LHFPL3: variants seen among roughly 807,000 people sequenced by gnomAD.
The protein encoded by LHFPL3 is LHFPL tetraspan subfamily member 3.
LHFPL3 carries 5 observed loss-of-function variants against 19.3 expected under a neutral mutation model. The observed-to-expected ratio is 0.26, with a 90% confidence interval of 0.14 to 0.54. The LOEUF (loss-of-function observed/expected upper bound fraction) is 0.54. Among genes scored for constraint, LHFPL3 ranks in the 20% least tolerant of loss-of-function variants. The pLI is 0.94. For missense variants in LHFPL3, 249 were observed against 307.4 expected, an observed-to-expected ratio of 0.81 and a Z score of 1.42; for synonymous variants, 133 against 126.2, an observed-to-expected ratio of 1.05 and a Z score of -0.36.
intron 1 of LHFPL3, among the ~76,000 whole-genome samples, chr7:104,428,205 A>G (rs1324409191): frequency 6.6e-6 from 1 of 152,202 alleles, no homozygotes; most frequent in African/African-American, 2.4e-5. Context: ...GTTAAAATCT[A>G]CATATAACAT....
chr7:104,332,580 G>A (rs1801591125), intron 1 of LHFPL3, among the ~76,000 whole-genome samples: 1 of 152,016 alleles, frequency 6.6e-6, no homozygotes, highest in African/African-American at 2.4e-5. Flanking sequence ...GACTTCTTAT[G>A]ATATTACAAT....
chr7:104,894,839 G>T (rs944670235), intron 2 of LHFPL3: 3 of 152,178 alleles, frequency 2.0e-5, no homozygotes, highest in South Asian at 2.1e-4. Context: ...CAAAAGCATG[G>T]CAAGTAAAAT....
At chr7:104,480,540 A>G (rs758914224) in intron 1 of LHFPL3, among the ~76,000 whole-genome samples, 21 of 152,220 alleles carry the variant, frequency 1.4e-4, no homozygotes, top group Non-Finnish European at 2.5e-4. Context: ...AGGGACATGT[A>G]ATTGTGCAGT....
chr7:104,329,417 CGCCTCGTCCCG>C (rs1801528777), intron 1 of LHFPL3, among the ~76,000 whole-genome samples, 193 bp downstream of exon 1: 2 of 152,210 alleles, frequency 1.3e-5, no homozygotes, highest in South Asian at 4.1e-4. Flanking sequence ...CCGGCGCTGG[CGCCTCGTCCCG>C]GGGCTTTCGT....
Position 104,468,722 on chromosome 7 carries a change from G to A in LHFPL3, c.445+139498G>A, listed in dbSNP as rs190868311. 1.8e-3 allele frequency among the ~76,000 whole-genome samples: 268 copies of A among 149,472 alleles called. 1 individual carries two copies. Among genetic ancestry groups the A allele is most frequent in the African/African-American group, 6.2e-3 (251 of 40,530 alleles). On this transcript the variant is annotated intron_variant, in intron 1 of 2. Transcript: ENST00000424859. ...CATCCAGGCTGGAGTGCAGTGGTGCGATCTCGGCTCACTGCAACCTCCACC... is the reference window on the plus strand; with the variant it reads ...CATCCAGGCTGGAGTGCAGTGGTGCAATCTCGGCTCACTGCAACCTCCACC...
At chr7:104,641,734 T>A (rs1791839964) in intron 1 of LHFPL3, among the ~76,000 whole-genome samples, 1 of 152,270 alleles carries the variant, frequency 6.6e-6, no homozygotes, top group Non-Finnish European at 1.5e-5. Flanking sequence ...TTGGAGAGAT[T>A]AGAAAGTCCC....
chr7:104,833,004 A>G (rs571181511), intron 2 of LHFPL3, among the ~76,000 whole-genome samples: 2 of 103,244 alleles, frequency 1.9e-5, no homozygotes, highest in Non-Finnish European at 3.6e-5. Flanking sequence ...TATATATTAT[A>G]TATATATATT....
At chr7:104,405,577 T>C (rs918559148) in intron 1 of LHFPL3, among the ~76,000 whole-genome samples, 1 of 152,230 alleles carries the variant, frequency 6.6e-6, no homozygotes, top group Non-Finnish European at 1.5e-5. Context: ...TCCCATCTTA[T>C]AAATTGAGAC....
chr7:104,560,442 T>A (rs1421562141), intron 1 of LHFPL3, among the ~76,000 whole-genome samples: 719 of 110,326 alleles, frequency 6.5e-3, no homozygotes, highest in Admixed American at 9.7e-3. Flanking sequence ...TATCCATTTC[T>A]TCTAGATTTT....
At chr7:104,894,223 T>C (rs1189596530) in intron 2 of LHFPL3, among the ~76,000 whole-genome samples, 1 of 152,204 alleles carries the variant, frequency 6.6e-6, no homozygotes, top group African/African-American at 2.4e-5. Context: ...ATTGTTAAAA[T>C]AGCATTAATA....
At chr7:104,859,995 A>C (rs1791584079) in intron 2 of LHFPL3, among the ~76,000 whole-genome samples, 1 of 152,122 alleles carries the variant, frequency 6.6e-6, no homozygotes, top group Non-Finnish European at 1.5e-5. Context: ...CAAACCTAAA[A>C]CTACTCTAAA....
chr7:104,451,466 CTGTT>C (rs1421991008), intron 1 of LHFPL3, among the ~76,000 whole-genome samples: 86 of 152,240 alleles, frequency 5.6e-4, no homozygotes, highest in Non-Finnish European at 2.9e-4. Context: ...TTGTTGTTCT[CTGTT>C]TGTCTTCTGC....
chr7:104,328,771 AGGG>A lies in LHFPL3; in HGVS notation c.-6_-4del. Reference sequence around the variant, plus strand: ...CAGGAGGAGGAGGAGGAGGAGGAGGAGGGGGAGAATGCCCGGAGCCGCCGCCGC... The same window carrying A: ...CAGGAGGAGGAGGAGGAGGAGGAGGAGGAGAATGCCCGGAGCCGCCGCCGC... On this transcript the variant is annotated 5_prime_UTR_variant, in exon 1 of 3. Transcript: ENST00000424859. The surrounding 1 kb of genome is among the most constrained non-coding windows in gnomAD (Gnocchi z 4.6). 1 of 1,536,782 alleles carries A rather than the reference AGGG, an allele frequency of 6.5e-7. No homozygotes were observed. Among genetic ancestry groups the A allele is most frequent in the Non-Finnish European group, 8.8e-7 (1 of 1,130,706 alleles).
intron 1 of LHFPL3, among the ~76,000 whole-genome samples, chr7:104,489,175 C>T (rs1273013140): frequency 2.4e-5 from 1 of 42,202 alleles, no homozygotes; most frequent in African/African-American, 6.0e-5. Flanking sequence ...CTCCACCTCC[C>T]GGGTTCACGC....
At chr7:104,611,825 C>A (rs527791551) in intron 1 of LHFPL3, among the ~76,000 whole-genome samples, 60 of 152,202 alleles carry the variant, frequency 3.9e-4, no homozygotes, top group African/African-American at 1.3e-3. Context: ...CAATTTAGTT[C>A]ATTTGAAAGC....
chr7:104,452,437 G>A (rs937322936), intron 1 of LHFPL3, among the ~76,000 whole-genome samples: 5 of 152,234 alleles, frequency 3.3e-5, no homozygotes, highest in Non-Finnish European at 7.4e-5. Context: ...TACATTCCTA[G>A]AAGTGGAGTT....
At chr7:104,542,026 A>G (rs1401293233) in intron 1 of LHFPL3, among the ~76,000 whole-genome samples, 1 of 151,986 alleles carries the variant, frequency 6.6e-6, no homozygotes, top group Non-Finnish European at 1.5e-5. Flanking sequence ...ATTTGAAGCA[A>G]GAAGTGGGCA....
At chr7:104,554,866 C>G (rs1367094065) in intron 1 of LHFPL3, among the ~76,000 whole-genome samples, 3 of 152,176 alleles carry the variant, frequency 2.0e-5, no homozygotes, top group Non-Finnish European at 4.4e-5. Context: ...ACCCTGAAGG[C>G]CTGAGAACAC....
intron 1 of LHFPL3, among the ~76,000 whole-genome samples, chr7:104,431,733 A>T (rs914371321): frequency 6.6e-6 from 1 of 152,192 alleles, no homozygotes; most frequent in Non-Finnish European, 1.5e-5. Context: ...TCAGTATTTT[A>T]AAAGATTACT....
Sources: gnomAD v4.1 joint callset for allele counts (sites outside exome capture counted in the v4.1 genomes callset) on GRCh38, gnomAD v4.1.1 for gene constraint, Gnocchi (gnomAD v3.1) non-coding constraint, MANE v1.5 for transcripts, NCBI Gene and HGNC (gene_info 2026-07-23, HGNC 2026-07-21) for gene names.